The following RELL1 variants were observed in gnomAD, a reference collection of about 807,000 sequenced individuals.
The protein encoded by RELL1 is RELT like 1.
In RELL1, 10 loss-of-function variants were observed where a neutral mutation model predicts 23.0. The observed-to-expected ratio is 0.43, with a 90% CI of 0.27 to 0.74. The LOEUF (loss-of-function observed/expected upper bound fraction) is 0.74, where lower values mean the gene tolerates loss of function less well. Among genes scored for constraint, RELL1 ranks in the 30% least tolerant of loss-of-function variants. RELL1 has a pLI of 0.19. For missense variants in RELL1, 315 were observed against 364.4 expected (o/e 0.86, Z 1.10); for synonymous variants, 146 against 146.8 (o/e 0.99, Z 0.04).
chr4:37,635,846 G>T (rs1414203087), intron 4 of RELL1, among the ~76,000 whole-genome samples: 2 of 152,186 alleles, frequency 1.3e-5, no homozygotes, highest in Non-Finnish European at 2.9e-5. Context: ...CTGGAAAAGG[G>T]AAGAACCCAA....
chr4:37,616,738 C>T (rs1047327605), intron 6 of RELL1, among the ~76,000 whole-genome samples: 2 of 152,126 alleles, frequency 1.3e-5, no homozygotes, highest in South Asian at 2.1e-4. Flanking sequence ...ACTGAAGTCC[C>T]GGAGCTACAT....
intron 1 of RELL1, among the ~76,000 whole-genome samples, chr4:37,665,697 C>A (rs1345637840): frequency 1.3e-5 from 2 of 152,202 alleles, no homozygotes; most frequent in Non-Finnish European, 2.9e-5. Flanking sequence ...GGAAACACGC[C>A]ATCTCAGCCT....
chr4:37,634,761 A>C, intron 5 of RELL1, 126 bp downstream of exon 5: 1 of 839,190 alleles, frequency 1.2e-6, no homozygotes, highest in South Asian at 1.6e-5. Flanking sequence ...AAAACATCTA[A>C]AAAGCCCAGA....
chr4:37,659,552 TA>T (rs1166817247), intron 1 of RELL1, among the ~76,000 whole-genome samples: 2 of 152,224 alleles, frequency 1.3e-5, no homozygotes, highest in Non-Finnish European at 2.9e-5. Context: ...GCTAAATGTC[TA>T]AATGTTCATT....
chr4:37,650,256 T>C (rs1471064703), intron 1 of RELL1, among the ~76,000 whole-genome samples: 1 of 152,020 alleles, frequency 6.6e-6, no homozygotes, highest in Non-Finnish European at 1.5e-5. Flanking sequence ...AGATCTAGAG[T>C]ATGAAGAAGA....
At chr4:37,665,644 G>A (rs1721506558) in intron 1 of RELL1, among the ~76,000 whole-genome samples, 1 of 152,186 alleles carries the variant, frequency 6.6e-6, no homozygotes, top group Admixed American at 6.5e-5. Flanking sequence ...ACTATGGGAG[G>A]AAGTCTAAGT....
At chr4:37,647,602 A>C (rs908089745) in intron 2 of RELL1, among the ~76,000 whole-genome samples, 163 bp from the exon 3 acceptor site, 1 of 152,188 alleles carries the variant, frequency 6.6e-6, no homozygotes, top group African/African-American at 2.4e-5. Context: ...CAAACTTCCT[A>C]ATGCATAACA....
rs202234057 is a variant in RELL1 at position 37,635,058 on chromosome 4, G to A, written c.509C>T (p.Thr170Met). Residue 170 changes from threonine (T) to methionine (M), a missense_variant, in exon 5 of 7, where the codon ACG (threonine) becomes ATG (methionine). Thr to Met is a moderately conservative substitution (Grantham distance 81). Coordinates refer to ENST00000454158, the MANE Select transcript of RELL1 (RefSeq NM_001085400.2). ...VSPGPLSPGG[T>M]PGKHVCGHHL... Reference sequence around the variant, plus strand: ...ATGGCCACAGACGTGCTTCCCTGGCGTCCCCCCTGGTGACAAAGGCCCAGG... The same window carrying A: ...ATGGCCACAGACGTGCTTCCCTGGCATCCCCCCTGGTGACAAAGGCCCAGG... 182 of 1,614,206 alleles carry A rather than the reference G, an allele frequency of 1.1e-4. No individual in the cohort carries two copies. The highest frequency in any genetic ancestry group is 3.3e-4 in the Middle Eastern group (2 of 6,062).
downstream of RELL1, among the ~76,000 whole-genome samples, chr4:37,605,799 G>GA (rs879856202): frequency 3.4e-5 from 3 of 89,020 alleles, no homozygotes; most frequent in African/African-American, 1.1e-4. Flanking sequence ...GAAAGAGAAA[G>GA]AAAGAAAGAA....
intron 6 of RELL1, among the ~76,000 whole-genome samples, chr4:37,595,543 T>G (rs1718806577): frequency 8.0e-6 from 1 of 124,962 alleles, no homozygotes; most frequent in Admixed American, 7.9e-5. Flanking sequence ...GGAGATATCA[T>G]GCAGGTAGCC....
intron 3 of RELL1, 68 bp downstream of exon 3, chr4:37,647,300 T>C (rs1377871498): frequency 5.6e-6 from 6 of 1,075,920 alleles, no homozygotes; most frequent in Non-Finnish European, 5.7e-6. Context: ...AAATCTTGAC[T>C]CTTCGAAGCA....
At chr4:37,596,895 C>T (rs140389433) in intron 6 of RELL1, among the ~76,000 whole-genome samples, 5,079 of 150,562 alleles carry the variant, frequency 0.034, 116 homozygotes, top group Middle Eastern at 0.059. Context: ...ATTACAGGCA[C>T]GCGCCACCAC....
chr4:37,660,180 G>A (rs1024314190), intron 1 of RELL1, among the ~76,000 whole-genome samples: 7 of 152,002 alleles, frequency 4.6e-5, no homozygotes, highest in Admixed American at 2.6e-4. Flanking sequence ...ATGTCTAAAT[G>A]TTCATTTCTC....
intron 3 of RELL1, among the ~76,000 whole-genome samples, chr4:37,641,160 T>C (rs1720518409): frequency 6.6e-6 from 1 of 152,178 alleles, no homozygotes; most frequent in African/African-American, 2.4e-5. Flanking sequence ...TCTTTATCTC[T>C]CAGGAATAAT....
At chr4:37,674,159 T>C (rs1721937156) in intron 1 of RELL1, among the ~76,000 whole-genome samples, 1 of 152,240 alleles carries the variant, frequency 6.6e-6, no homozygotes, top group African/African-American at 2.4e-5. Context: ...CATTCTCTAC[T>C]ATACTATAGT....
chr4:37,612,322 T>TAAAAAA lies in RELL1; in HGVS notation c.*1018_*1023dup, dbSNP rs1553872212. On this transcript the variant is annotated 3_prime_UTR_variant, in exon 7 of 7. Coordinates refer to ENST00000454158, the MANE Select transcript of RELL1 (RefSeq NM_001085400.2). ...AACCAAGAATCGCTCAGCTAAAGGTTAAAAAAAAAAAAAAAACAAAAAAAA... is the reference window on the plus strand; with the variant it reads ...AACCAAGAATCGCTCAGCTAAAGGTTAAAAAAAAAAAAAAAAAAAAAACAAAAAAAA... Among the ~76,000 whole-genome samples, 7 of 83,488 alleles carry TAAAAAA rather than the reference T, an allele frequency of 8.4e-5. No homozygotes were observed. Among genetic ancestry groups the TAAAAAA allele is most frequent in the African/African-American group, 2.8e-4 (5 of 17,574 alleles). 54.8% of individuals were successfully genotyped at this position (83,488 alleles called of 152,430 possible). A position where few individuals can be genotyped will look rare whatever the true frequency, so the allele number is the denominator to read the frequency against.
At chr4:37,627,201 T>C (rs1327917165) in intron 6 of RELL1, among the ~76,000 whole-genome samples, 2 of 152,196 alleles carry the variant, frequency 1.3e-5, no homozygotes, top group African/African-American at 4.8e-5. Context: ...TAAAGTATGG[T>C]TATGTAAACT....
chr4:37,626,532 T>C (rs1483840986), intron 6 of RELL1, among the ~76,000 whole-genome samples: 1 of 152,066 alleles, frequency 6.6e-6, no homozygotes, highest in East Asian at 1.9e-4. Context: ...CAATCCCACT[T>C]CTCAGTACAT....
chr4:37,651,978 C>T (rs552793646), intron 1 of RELL1, among the ~76,000 whole-genome samples: 11 of 152,320 alleles, frequency 7.2e-5, no homozygotes, highest in African/African-American at 1.7e-4. Context: ...AGCTGAAGCA[C>T]GCCAGCGTGG....
Sources: allele counts gnomAD v4.1 joint callset (sites outside exome capture counted in the v4.1 genomes callset), GRCh38; gene constraint gnomAD v4.1.1; transcripts MANE v1.5; gene names NCBI Gene and HGNC (gene_info 2026-07-23, HGNC 2026-07-21).